The following UBE3B variants were observed in gnomAD, a reference collection of about 807,000 sequenced individuals.
UBE3B encodes ubiquitin-protein ligase E3B.
Under a neutral mutation model 132.3 loss-of-function variants are expected in UBE3B, and 80 were observed. The observed-to-expected ratio is 0.60, with a 90% CI of 0.50 to 0.73. The LOEUF (loss-of-function observed/expected upper bound fraction) is 0.73. Among genes scored for constraint, UBE3B ranks in the 30% least tolerant of loss-of-function variants. The pLI is 0.00. For missense variants in UBE3B, 1,196 were observed against 1,362.5 expected (o/e 0.88, Z 1.92); for synonymous variants, 487 against 520.4 (o/e 0.94, Z 0.87).
At chr12:109,485,602 C>A (rs1218154138) in intron 4 of UBE3B, among the ~76,000 whole-genome samples, 2 of 152,206 alleles carry the variant, frequency 1.3e-5, no homozygotes, top group African/African-American at 2.4e-5. Context: ...GATACAGCAG[C>A]CTTTGGCTAC....
intron 1 of UBE3B, among the ~76,000 whole-genome samples, chr12:109,478,658 T>A (rs1251217321): frequency 6.6e-6 from 1 of 152,192 alleles, no homozygotes; most frequent in East Asian, 1.9e-4. Flanking sequence ...GCGGGCGCCT[T>A]TAATCCCAGC....
rs112475482 is a variant in UBE3B, at chr12:109,498,055, G to A, written c.819+132G>A. On this transcript the variant is annotated intron_variant, in intron 10 of 27. Coordinates refer to ENST00000342494, the MANE Select transcript of UBE3B (RefSeq NM_130466.4). ...TAATTGTTCTTTGGGACCAGTGGCC[G>A]TGATAGACACATTTGTGTTAGTAGC... 203 of 1,293,252 alleles carry A rather than the reference G, an allele frequency of 1.6e-4. No homozygotes were observed. The East Asian group carries it at 2.8e-3, about 18-fold the overall frequency. The allele number at this position is 1,293,252 out of a possible 1,614,324, so 80.1% of individuals were successfully genotyped here.
chr12:109,510,405 G>T lies in UBE3B; in HGVS notation c.1803G>T (p.Leu601=). ...CTGTCCACGGGTGGCTTATGGTGCT[G>T]TACGAGCGGGACTGCCGGCGGCGCT... is the stretch of plus-strand genomic sequence containing the variant. The part of the protein sequence containing the change: ...FQSVHGWLMV[L]YERDCRRRFT... Residue 601 remains leucine (L), a synonymous_variant, in exon 17 of 28, where the codon CTG becomes CTT. Transcript: ENST00000342494. The T allele has an allele frequency of 1.2e-6, 2 of 1,613,196 alleles. No homozygotes were observed. The highest frequency in any genetic ancestry group is 1.7e-6 in the Non-Finnish European group (2 of 1,179,694).
intron 7 of UBE3B, 24 bp downstream of exon 7, chr12:109,488,692 G>A (rs377548629): frequency 1.2e-5 from 20 of 1,603,900 alleles, no homozygotes; most frequent in Middle Eastern, 1.6e-4. Flanking sequence ...GCTTCAAAAT[G>A]TTCTCTAACC....
rs763834013 is a variant in UBE3B at position 109,524,442 on chromosome 12, A to G, written c.2507A>G (p.Tyr836Cys). 3.4e-5 allele frequency: 55 copies of G among 1,614,204 alleles called. No individual in the cohort carries two copies. The highest frequency in any genetic ancestry group is 4.2e-5 in the Non-Finnish European group (50 of 1,180,022). ...FYKNLTSIKR[Y>C]DGDITDLGLT... ...TCCCCTTCTCTGTTACATTAGCGCT[A>G]TGATGGGGACATCACTGACCTGGGC... The change falls in exon 23 of 28, where the codon TAT (tyrosine) becomes TGT (cysteine). Residue 836 changes from tyrosine to cysteine, a missense_variant. Coordinates refer to ENST00000342494, the MANE Select transcript of UBE3B (RefSeq NM_130466.4).
chr12:109,486,393 G>A (rs974115260), intron 5 of UBE3B, 78 bp from the exon 6 acceptor site: 67 of 1,195,044 alleles, frequency 5.6e-5, no homozygotes, highest in Non-Finnish European at 7.7e-5. Flanking sequence ...TAACTAATAG[G>A]TCCAGTTCCA....
At chr12:109,531,933 C>T (rs893977049) in intron 26 of UBE3B, among the ~76,000 whole-genome samples, 2 of 152,052 alleles carry the variant, frequency 1.3e-5, no homozygotes, top group African/African-American at 4.8e-5. Flanking sequence ...CCTACAGTTC[C>T]TTACCATGTG....
chr12:109,536,540 A>G lies in UBE3B; in HGVS notation c.*1758A>G, dbSNP rs1471154275. On this transcript the variant is annotated 3_prime_UTR_variant, in exon 28 of 28. Coordinates refer to ENST00000342494, the MANE Select transcript of UBE3B (RefSeq NM_130466.4). Reference sequence around the variant, plus strand: ...TTTAAATTCTTTTCAGCAGCTGGAAATATTGCACTATCTGAAACACTGAAT... The same window carrying G: ...TTTAAATTCTTTTCAGCAGCTGGAAGTATTGCACTATCTGAAACACTGAAT... 1.3e-5 allele frequency: 2 copies of G among 152,226 alleles called. No homozygotes were observed. Among genetic ancestry groups the G allele is most frequent in the African/African-American group, 4.8e-5 (2 of 41,434 alleles). 9.4% of individuals were successfully genotyped at this position (152,226 alleles called of 1,614,324 possible). A position where few individuals can be genotyped will look rare whatever the true frequency, so the allele number is the denominator to read the frequency against.
chr12:109,536,851 A>G (rs1434278691), downstream of UBE3B: 1 of 152,226 alleles, frequency 6.6e-6, no homozygotes. Context: ...GCCAGAGTTC[A>G]GGGATGTTGG....
Position 109,534,585 on chromosome 12 carries a change from C to A in UBE3B, c.3016-6C>A. On this transcript the variant is annotated splice_region_variant and splice_polypyrimidine_tract_variant and intron_variant, in intron 27 of 27. Transcript: ENST00000342494. The surrounding 1 kb of genome is among the most constrained non-coding windows in gnomAD (Gnocchi z 5.2). ...CCCAATTCAAGGCCACGATGTGTGCCTTCAGGACACCGGGGACACTCTGGG... is the reference window on the plus strand; with the variant it reads ...CCCAATTCAAGGCCACGATGTGTGCATTCAGGACACCGGGGACACTCTGGG... 1 of 1,604,608 alleles carries A rather than the reference C, an allele frequency of 6.2e-7. No individual in the cohort carries two copies. Among genetic ancestry groups the A allele is most frequent in the Non-Finnish European group, 8.5e-7 (1 of 1,175,322 alleles).
rs1259372782 is a variant in UBE3B, at chr12:109,529,795, TG to T, written c.2628-93del. 2.8e-6 allele frequency: 4 copies of T among 1,442,158 alleles called. No homozygotes were observed. In the African/African-American group the frequency reaches 5.7e-5, roughly 20 times the overall value. The allele number at this position is 1,442,158 out of a possible 1,614,324, so 89.3% of individuals were successfully genotyped here. ...GGTACTATTTGTGTTTTTTGTAAAATGGTTCAGAAATGACTAGACTGTCTTT... is the reference window on the plus strand; with the variant it reads ...GGTACTATTTGTGTTTTTTGTAAAATGTTCAGAAATGACTAGACTGTCTTT... On this transcript the variant is annotated intron_variant, in intron 24 of 27. Coordinates refer to ENST00000342494, the MANE Select transcript of UBE3B (RefSeq NM_130466.4).
intron 14 of UBE3B, among the ~76,000 whole-genome samples, chr12:109,506,673 TTGTC>T (rs1321846515): frequency 6.6e-6 from 1 of 152,228 alleles, no homozygotes; most frequent in Admixed American, 6.5e-5. Context: ...TCTTTACACA[TTGTC>T]TGTGGCCGCT....
chr12:109,532,695 G>T (rs73414043), intron 26 of UBE3B, among the ~76,000 whole-genome samples: 7,647 of 152,306 alleles, frequency 0.05, 587 homozygotes, highest in African/African-American at 0.17. Context: ...AGGGGCTGCC[G>T]CTTGGAGAAC....
the UBE3B span, among the ~76,000 whole-genome samples, chr12:109,544,179 C>T: frequency 6.6e-6 from 1 of 152,228 alleles, no homozygotes; most frequent in African/African-American, 2.4e-5. Context: ...ACAGAGTTCT[C>T]ATTCTCCAAA....
At chr12:109,526,524 C>A in intron 24 of UBE3B, 108 bp downstream of exon 24, 1 of 1,128,902 alleles carries the variant, frequency 8.9e-7, no homozygotes, top group Non-Finnish European at 1.3e-6. Context: ...AGAAAGAGGC[C>A]ATAAATATCA....
chr12:109,532,565 A>T (rs571412671), intron 26 of UBE3B, among the ~76,000 whole-genome samples: 1 of 152,196 alleles, frequency 6.6e-6, no homozygotes, highest in African/African-American at 2.4e-5. Flanking sequence ...ATTCTTGGCT[A>T]CTGTTGAGTT....
Position 109,534,557 on chromosome 12 carries a change from C to T in UBE3B, c.3016-34C>T, listed in dbSNP as rs1883275650. On this transcript the variant is annotated intron_variant, in intron 27 of 27. Transcript: ENST00000342494. This position sits in a 1 kb window ranked among gnomAD's most constrained non-coding sequence, Gnocchi z 5.2. ...TCAGCCTGGGCTCCCAAACTAGGCC[C>T]TTCCCAATTCAAGGCCACGATGTGT... The T allele has an allele frequency of 6.3e-7, 1 of 1,576,082 alleles. No homozygotes were observed. The highest frequency in any genetic ancestry group is 1.4e-5 in the African/African-American group (1 of 73,526).
intron 19 of UBE3B, chr12:109,517,931 C>T (rs1054275020): frequency 6.7e-6 from 3 of 445,640 alleles, no homozygotes; most frequent in Non-Finnish European, 1.4e-5. Context: ...TGTTTGAGTG[C>T]CCCTGGCCAC....
chr12:109,507,810 T>TAATCACATTAGC, intron 15 of UBE3B, 75 bp downstream of exon 15: 2 of 1,493,564 alleles, frequency 1.3e-6, no homozygotes, highest in Non-Finnish European at 1.8e-6. Flanking sequence ...AGTAAGGAAG[T>TAATCACATTAGC]AATTGCTAAT....
Sources: gnomAD v4.1 joint callset for allele counts (sites outside exome capture counted in the v4.1 genomes callset) on GRCh38, gnomAD v4.1.1 for gene constraint, Gnocchi (gnomAD v3.1) non-coding constraint, MANE v1.5 for transcripts, NCBI Gene and HGNC (gene_info 2026-07-23, HGNC 2026-07-21) for gene names.